The following KIF13B variants were observed in gnomAD, a reference collection of about 807,000 sequenced individuals.
The protein encoded by KIF13B is kinesin-like protein KIF13B.
Under a neutral mutation model 222.0 loss-of-function variants are expected in KIF13B, and 127 were observed. That is an observed-to-expected ratio of 0.57 (90% CI 0.50 to 0.66). KIF13B has a LOEUF of 0.66. KIF13B is among the 30% of genes least tolerant of loss of function. KIF13B has a pLI of 0.00. For synonymous variants in KIF13B, 976 were observed against 919.0 expected (o/e 1.06, Z -1.12); for missense variants, 2,173 against 2,379.0 (o/e 0.91, Z 1.80).
At chr8:29,103,034 A>C (rs1808868073) in intron 35 of KIF13B, among the ~76,000 whole-genome samples, 1 of 152,120 alleles carries the variant, frequency 6.6e-6, no homozygotes, top group African/African-American at 2.4e-5. Context: ...CGAGGTCAGG[A>C]GATCGAGACC....
At chr8:29,146,117 G>T (rs1337441986) in intron 18 of KIF13B, 1 of 590,114 alleles carries the variant, frequency 1.7e-6, no homozygotes, top group Non-Finnish European at 3.0e-6. Flanking sequence ...AATTTAAACA[G>T]ATTTGAAGGA....
intron 8 of KIF13B, among the ~76,000 whole-genome samples, chr8:29,179,373 T>A (rs1427643377): frequency 6.6e-6 from 1 of 152,212 alleles, no homozygotes; most frequent in East Asian, 1.9e-4. Flanking sequence ...CGCCTTGGCC[T>A]CCCGAAGTGC....
At chr8:29,091,686 C>T (rs1808305391) in intron 37 of KIF13B, among the ~76,000 whole-genome samples, 1 of 152,120 alleles carries the variant, frequency 6.6e-6, no homozygotes, top group Admixed American at 6.5e-5. Flanking sequence ...TGGTGGATCT[C>T]TGGGGAAAAA....
chr8:29,259,044 T>C (rs1816588832), intron 1 of KIF13B, among the ~76,000 whole-genome samples: 2 of 152,212 alleles, frequency 1.3e-5, no homozygotes, highest in African/African-American at 4.8e-5. Flanking sequence ...CATTCCTGTA[T>C]ACATTTTTAC....
At chr8:29,152,150 G>A (rs551375401) in intron 14 of KIF13B, among the ~76,000 whole-genome samples, 31 of 152,270 alleles carry the variant, frequency 2.0e-4, no homozygotes, top group African/African-American at 7.5e-4. Flanking sequence ...AGATGTGGCT[G>A]AACTGCTGTG....
chr8:29,243,126 C>T (rs1194884743), intron 2 of KIF13B, among the ~76,000 whole-genome samples: 1 of 152,064 alleles, frequency 6.6e-6, no homozygotes, highest in African/African-American at 2.4e-5. Context: ...GCAGGCGGAT[C>T]ACTTGAGGTC....
rs550516291 is a variant in KIF13B at position 29,245,991 on chromosome 8, C to T, written c.56-552G>A. Among the ~76,000 whole-genome samples the T allele has an allele frequency of 2.6e-4, 39 of 152,284 alleles. No individual in the cohort carries two copies. In the South Asian group the frequency reaches 8.1e-3, roughly 32 times the overall value. On this transcript the variant is annotated intron_variant, in intron 1 of 39. Transcript: ENST00000524189. ...TGTAAAAGAAATGCAAGACTTATCACTGAAAATTCCGAAACACCGTTGAAA... is the reference window on the plus strand; with the variant it reads ...TGTAAAAGAAATGCAAGACTTATCATTGAAAATTCCGAAACACCGTTGAAA...
chr8:29,213,189 C>A (rs561027654), intron 2 of KIF13B, among the ~76,000 whole-genome samples: 2 of 152,120 alleles, frequency 1.3e-5, no homozygotes, highest in African/African-American at 4.8e-5. Context: ...ACATACTTCA[C>A]GCTGCTGTGC....
chr8:29,082,763 A>G (rs530582696), intron 37 of KIF13B, among the ~76,000 whole-genome samples: 1 of 152,396 alleles, frequency 6.6e-6, no homozygotes, highest in East Asian at 1.9e-4. Flanking sequence ...AAAAAGAGTT[A>G]CTAGTTTTTC....
At chr8:29,157,911 C>T (rs1230831814) in intron 13 of KIF13B, among the ~76,000 whole-genome samples, 3 of 151,970 alleles carry the variant, frequency 2.0e-5, no homozygotes, top group South Asian at 4.2e-4. Flanking sequence ...AATTCTTACC[C>T]GGGCTTACAA....
intron 21 of KIF13B, 70 bp downstream of exon 21, chr8:29,139,993 A>AT: frequency 7.0e-7 from 1 of 1,420,216 alleles, no homozygotes; most frequent in Non-Finnish European, 9.5e-7. Context: ...GATTTTTGCC[A>AT]TTAAAAGTAA....
At chr8:29,213,365 A>G (rs1363704833) in intron 2 of KIF13B, among the ~76,000 whole-genome samples, 1 of 152,220 alleles carries the variant, frequency 6.6e-6, no homozygotes, top group Non-Finnish European at 1.5e-5. Context: ...CATCAATCCT[A>G]TTATCATCCA....
At chr8:29,157,336 C>T (rs1259496682) in intron 13 of KIF13B, among the ~76,000 whole-genome samples, 1 of 142,698 alleles carries the variant, frequency 7.0e-6, no homozygotes, top group Non-Finnish European at 1.5e-5. Flanking sequence ...AGGAGAATCG[C>T]TTGAACCTAG....
At chr8:29,190,320 C>T (rs1471446505) in intron 4 of KIF13B, 1 of 152,308 alleles carries the variant, frequency 6.6e-6, no homozygotes, top group Non-Finnish European at 1.5e-5. Flanking sequence ...GGTTGACAAT[C>T]ATGCCTATAT....
intron 13 of KIF13B, among the ~76,000 whole-genome samples, chr8:29,156,260 C>A (rs368690872): frequency 6.6e-6 from 1 of 152,120 alleles, no homozygotes; most frequent in African/African-American, 2.4e-5. Context: ...TGTGAGTCAC[C>A]ATGCCTGGCC....
At position 29,191,074 on chromosome 8, in the gene KIF13B, T is replaced by C. The variant is rs1813159764; in HGVS notation, c.163-17A>G. ...AGCAAACACCTGTTGAAAATGAACA[T>C]AAGTGTGTGTTAAGAAAACCTCAAC... On this transcript the variant is annotated splice_polypyrimidine_tract_variant and intron_variant, in intron 3 of 39. Coordinates refer to ENST00000524189, the MANE Select transcript of KIF13B (RefSeq NM_015254.4). The C allele has an allele frequency of 6.3e-7, 1 of 1,590,542 alleles. No homozygotes were observed. The highest frequency in any genetic ancestry group is 8.6e-7 in the Non-Finnish European group (1 of 1,165,190).
intron 37 of KIF13B, 33 bp from the exon 38 acceptor site, chr8:29,075,376 G>T: frequency 1.3e-6 from 2 of 1,545,994 alleles, no homozygotes; most frequent in South Asian, 2.4e-5. Flanking sequence ...CAGGGGTCGA[G>T]AGGACAGAAC....
intron 1 of KIF13B, among the ~76,000 whole-genome samples, chr8:29,247,136 G>C (rs1260654676): frequency 6.6e-6 from 1 of 152,178 alleles, no homozygotes; most frequent in Non-Finnish European, 1.5e-5. Flanking sequence ...CGTAATCCCA[G>C]AACTTTGGAA....
intron 29 of KIF13B, 105 bp downstream of exon 29, chr8:29,122,486 C>A: frequency 1.1e-6 from 1 of 883,660 alleles, no homozygotes; most frequent in South Asian, 1.5e-5. Context: ...TGGCTCTAGC[C>A]TTAGGGGGAC....
Sources: gnomAD v4.1 joint callset for allele counts (sites outside exome capture counted in the v4.1 genomes callset) on GRCh38, gnomAD v4.1.1 for gene constraint, MANE v1.5 for transcripts, NCBI Gene and HGNC (gene_info 2026-07-23, HGNC 2026-07-21) for gene names.